Variants in PREX1 observed in about 807,000 individuals in gnomAD.
PREX1 encodes phosphatidylinositol 3,4,5-trisphosphate-dependent Rac exchanger 1 protein.
A neutral mutation model predicts 198.3 loss-of-function variants in PREX1; 41 were observed. That is an observed-to-expected ratio of 0.21 (90% CI 0.16 to 0.27). The LOEUF (loss-of-function observed/expected upper bound fraction) is 0.27, where lower values mean the gene tolerates loss of function less well. Ranked by LOEUF, PREX1 falls within the 10% of genes least tolerant of loss-of-function variation. PREX1 has a pLI of 1.00. For synonymous variants in PREX1, 843 were observed against 887.2 expected, an observed-to-expected ratio of 0.95 and a Z score of 0.89; for missense variants, 1,620 against 2,200.7, an observed-to-expected ratio of 0.74 and a Z score of 5.28.
At chr20:48,654,137 C>A (rs1349055517) in intron 19 of PREX1, among the ~76,000 whole-genome samples, 1 of 152,222 alleles carries the variant, frequency 6.6e-6, no homozygotes, top group Non-Finnish European at 1.5e-5. Flanking sequence ...GACCCTGGAA[C>A]CTTCGGCAAG....
rs928385465 is a variant in PREX1 at position 48,657,159 on chromosome 20, G to A, written c.2004C>T (p.Ile668=). The stretch of plus-strand genomic sequence containing the variant: ...ACACCAGGTCCTCATTGATGGAGTA[G>A]ATCTTCCTCCCCACCTGCAGGCCAG... ...EVAGLQVGRK[I]YSINEDLVFL... The change falls in exon 18 of 40, where the codon ATC becomes ATT. Residue 668 remains isoleucine (I), a synonymous_variant. Coordinates refer to ENST00000371941, the MANE Select transcript of PREX1 (RefSeq NM_020820.4). The A allele has an allele frequency of 1.2e-6, 2 of 1,613,686 alleles. No individual in the cohort carries two copies. The highest frequency in any genetic ancestry group is 1.7e-5 in the Admixed American group (1 of 59,986).
intron 11 of PREX1, among the ~76,000 whole-genome samples, chr20:48,680,577 C>A (rs886955871): frequency 2.0e-5 from 3 of 152,170 alleles, no homozygotes; most frequent in Non-Finnish European, 4.4e-5. Flanking sequence ...CAGCCACACT[C>A]CCTCCCTGCT....
rs552762172 is a variant in PREX1, at chr20:48,702,591, T to C, written c.784-1705A>G. On this transcript the variant is annotated intron_variant, in intron 6 of 39. Transcript: ENST00000371941. ...CTCGAAAGAAAATGGCTTTCCTCCC[T>C]TTCCTCTTTCCAGAGGCTGGGGTGG... Among the ~76,000 whole-genome samples, 215 of 152,360 alleles carry C rather than the reference T, an allele frequency of 1.4e-3. 1 individual carries two copies. The highest frequency in any genetic ancestry group is 5.1e-3 in the African/African-American group (211 of 41,580).
intron 6 of PREX1, among the ~76,000 whole-genome samples, chr20:48,705,320 T>A (rs1319059870): frequency 6.6e-6 from 1 of 152,210 alleles, no homozygotes; most frequent in Non-Finnish European, 1.5e-5. Context: ...TCTAAACCAG[T>A]CTCACGACAA....
intron 27 of PREX1, among the ~76,000 whole-genome samples, chr20:48,643,501 A>G (rs2089429222): frequency 6.6e-6 from 1 of 151,598 alleles, no homozygotes; most frequent in Admixed American, 6.6e-5. Context: ...CTGTAAGTAG[A>G]GTATGATCTA....
chr20:48,756,973 G>A (rs142226096), intron 1 of PREX1, among the ~76,000 whole-genome samples: 5,110 of 152,124 alleles, frequency 0.034, 238 homozygotes, highest in South Asian at 0.11. Context: ...ATCAGATCTC[G>A]TGAGACTTAC....
the PREX1 span, among the ~76,000 whole-genome samples, chr20:48,882,901 A>G: frequency 6.9e-6 from 1 of 145,214 alleles, no homozygotes; most frequent in Non-Finnish European, 1.5e-5. Context: ...GTCTATTCAA[A>G]TTCTTTGTCC....
chr20:48,735,332 C>T (rs754000699), intron 3 of PREX1, among the ~76,000 whole-genome samples: 1 of 152,020 alleles, frequency 6.6e-6, no homozygotes, highest in Non-Finnish European at 1.5e-5. Flanking sequence ...GTGCAAGAGA[C>T]CCGAACAAGC....
intron 2 of PREX1, among the ~76,000 whole-genome samples, chr20:48,746,950 ACACACACACACAC>A (rs2090110753): frequency 7.3e-4 from 1 of 1,374 alleles, no homozygotes; most frequent in Non-Finnish European, 1.4e-3. Context: ...GAACACACAC[ACACACACACACAC>A]ACACACACAC....
intron 5 of PREX1, among the ~76,000 whole-genome samples, chr20:48,721,839 G>A (rs1248397631): frequency 6.6e-6 from 1 of 152,168 alleles, no homozygotes; most frequent in African/African-American, 2.4e-5. Context: ...GAGTCTGAGA[G>A]CAGAGCCGAC....
chr20:48,807,560 C>T (rs896305683), intron 1 of PREX1, among the ~76,000 whole-genome samples: 7 of 152,154 alleles, frequency 4.6e-5, no homozygotes, highest in Admixed American at 3.9e-4. Flanking sequence ...TTGTAACTTA[C>T]ATCTTTACCT....
Position 48,634,770 on chromosome 20 carries a change from C to T in PREX1, c.4173G>A (p.Glu1391=). ...AGATGTCCTCCAGCATGGTCCGTTC[C>T]TCCTTCTGCAGGAAGAAGACAGCGC... ...QSLLSPATVK[E]ERTMLEDIWV... Residue 1391 remains glutamate (E), a synonymous_variant, in exon 33 of 40, where the codon GAG becomes GAA. Coordinates refer to ENST00000371941, the MANE Select transcript of PREX1 (RefSeq NM_020820.4). The T allele has an allele frequency of 6.2e-7, 1 of 1,614,076 alleles. No homozygotes were observed. The highest frequency in any genetic ancestry group is 8.5e-7 in the Non-Finnish European group (1 of 1,179,930).
rs755005759 is a variant in PREX1, at chr20:48,642,459, G to A, written c.3632C>T (p.Pro1211Leu). 2 of 1,613,676 alleles carry A rather than the reference G, an allele frequency of 1.2e-6. No homozygotes were observed. Among genetic ancestry groups the A allele is most frequent in the East Asian group, 2.2e-5 (1 of 44,858 alleles). ...GDELPCDMRI[P>L]SDKQDKLHGC... ...ATGAAGCTTGTCCTGCTTGTCAGATGGGATCCGCATGTCACAGGGCAGCTC... is the reference window on the plus strand; with the variant it reads ...ATGAAGCTTGTCCTGCTTGTCAGATAGGATCCGCATGTCACAGGGCAGCTC... The change falls in exon 28 of 40, where the codon CCA (proline) becomes CTA (leucine). Residue 1211 changes from proline to leucine, a missense_variant. Pro to Leu is a moderately conservative substitution (Grantham distance 98, BLOSUM62 -3). Transcript: ENST00000371941.
chr20:48,647,794 CA>C (rs926872612), intron 25 of PREX1, among the ~76,000 whole-genome samples: 9 of 152,122 alleles, frequency 5.9e-5, no homozygotes, highest in African/African-American at 2.2e-4. Context: ...CCATCATACA[CA>C]AAAGTAGAGA....
chr20:48,663,972 C>G (rs1353766012), intron 15 of PREX1, among the ~76,000 whole-genome samples: 1 of 152,204 alleles, frequency 6.6e-6, no homozygotes, highest in African/African-American at 2.4e-5. Context: ...GCTCCCAGAA[C>G]CTGGCACGGT....
intron 1 of PREX1, among the ~76,000 whole-genome samples, chr20:48,793,956 C>T (rs2090349326): frequency 6.6e-6 from 1 of 152,200 alleles, no homozygotes; most frequent in African/African-American, 2.4e-5. Context: ...AGTAGCCCAT[C>T]TCCTCCCAAG....
At chr20:48,732,759 G>A (rs933603817) in intron 4 of PREX1, among the ~76,000 whole-genome samples, 4 of 152,154 alleles carry the variant, frequency 2.6e-5, no homozygotes, top group African/African-American at 9.7e-5. Flanking sequence ...TTGGATCTAG[G>A]GGTGACCATG....
chr20:48,747,800 C>T lies in PREX1; in HGVS notation c.291+9G>A, dbSNP rs771412479. On this transcript the variant is annotated intron_variant, in intron 2 of 39. Transcript: ENST00000371941. ...GCTCTAGAACAGGGGCCAGCCCCAG[C>T]GTCCACACCTTGACATTCTCCTCCG... The T allele has an allele frequency of 5.5e-5, 89 of 1,610,284 alleles. No homozygotes were observed. In the South Asian group the frequency reaches 8.7e-4, roughly 16 times the overall value.
Position 48,827,914 on chromosome 20 carries a change from G to T in PREX1, c.-54C>A. 1.3e-6 allele frequency: 1 copy of T among 763,692 alleles called. No individual in the cohort carries two copies. Among genetic ancestry groups the T allele is most frequent in the South Asian group, 5.8e-5 (1 of 17,238 alleles). 47.3% of individuals were successfully genotyped at this position (763,692 alleles called of 1,614,324 possible). On this transcript the variant is annotated 5_prime_UTR_variant, in exon 1 of 40. The change creates a new upstream start codon in the 5' untranslated region. Coordinates refer to ENST00000371941, the MANE Select transcript of PREX1 (RefSeq NM_020820.4). The surrounding 1 kb of genome is among the most constrained non-coding windows in gnomAD (Gnocchi z 4.1). ...TTCCGTCGCGCCGAGCGGCAACTCAGGCGTCCAGGCGCCCCATCCCGGACG... is the reference window on the plus strand; with the variant it reads ...TTCCGTCGCGCCGAGCGGCAACTCATGCGTCCAGGCGCCCCATCCCGGACG...
Sources: allele counts gnomAD v4.1 joint callset (sites outside exome capture counted in the v4.1 genomes callset), GRCh38; gene constraint gnomAD v4.1.1; non-coding constraint Gnocchi (gnomAD v3.1); transcripts MANE v1.5; gene names NCBI Gene and HGNC (gene_info 2026-07-23, HGNC 2026-07-21).